The following PACRG variants were observed in gnomAD, a reference collection of about 807,000 sequenced individuals.
PACRG encodes the protein parkin coregulated.
In PACRG, 29 loss-of-function variants were observed where a neutral mutation model predicts 29.7. The observed-to-expected ratio is 0.98, with a 90% CI of 0.73 to 1.33. The LOEUF is 1.33. Ranked by LOEUF, PACRG falls within the 40% of genes most tolerant of loss-of-function variation. PACRG has a pLI of 0.00. For synonymous variants in PACRG, 116 were observed against 118.7 expected, an observed-to-expected ratio of 0.98 and a Z score of 0.15; for missense variants, 279 against 316.2, an observed-to-expected ratio of 0.88 and a Z score of 0.89.
intron 4 of PACRG, among the ~76,000 whole-genome samples, chr6:163,220,239 T>A (rs900075068): frequency 6.6e-6 from 1 of 151,890 alleles, no homozygotes; most frequent in Non-Finnish European, 1.5e-5. Flanking sequence ...AAGGAAAGGG[T>A]GTGCTCCATC....
intron 2 of PACRG, among the ~76,000 whole-genome samples, chr6:162,987,338 G>A (rs778824911): frequency 5.3e-5 from 8 of 152,120 alleles, no homozygotes; most frequent in Non-Finnish European, 8.8e-5. Context: ...CTGGTGCTGG[G>A]AAATGTCTGC....
intron 1 of PACRG, among the ~76,000 whole-genome samples, chr6:162,771,860 G>A (rs896607398): frequency 6.6e-6 from 1 of 151,884 alleles, no homozygotes; most frequent in Non-Finnish European, 1.5e-5. Flanking sequence ...ACATTCTCTC[G>A]GATGGAGGTA....
chr6:163,285,344 C>T (rs560336148), intron 4 of PACRG, among the ~76,000 whole-genome samples: 1 of 152,116 alleles, frequency 6.6e-6, no homozygotes, highest in African/African-American at 2.4e-5. Context: ...GACACATCCC[C>T]ACTCGGGCAG....
At chr6:163,264,493 T>C (rs1783452719) in intron 4 of PACRG, among the ~76,000 whole-genome samples, 1 of 152,130 alleles carries the variant, frequency 6.6e-6, no homozygotes, top group Non-Finnish European at 1.5e-5. Flanking sequence ...ACTCAGCCCA[T>C]GCAAACAGTA....
intron 1 of PACRG, among the ~76,000 whole-genome samples, chr6:162,807,342 G>C (rs761948863): frequency 3.3e-5 from 5 of 152,166 alleles, no homozygotes; most frequent in Non-Finnish European, 7.3e-5. Context: ...TGGTACAAGA[G>C]GTCTTCCAGC....
intron 2 of PACRG, among the ~76,000 whole-genome samples, chr6:162,888,765 C>T (rs1434441479): frequency 1.3e-5 from 2 of 152,138 alleles, no homozygotes; most frequent in Admixed American, 6.5e-5. Context: ...ATTAGGCAAC[C>T]TTCCTCTTTG....
At chr6:163,276,108 C>T (rs1440446803) in intron 4 of PACRG, among the ~76,000 whole-genome samples, 1 of 151,800 alleles carries the variant, frequency 6.6e-6, no homozygotes, top group Non-Finnish European at 1.5e-5. Context: ...CTCACTGCAG[C>T]CTTGACCTTC....
intron 1 of PACRG, among the ~76,000 whole-genome samples, chr6:162,770,355 T>C (rs1164317966): frequency 6.6e-6 from 1 of 152,188 alleles, no homozygotes; most frequent in Non-Finnish European, 1.5e-5. Flanking sequence ...GACTGAACCT[T>C]GAACCTATGG....
chr6:162,923,141 A>T (rs538612829), intron 2 of PACRG, among the ~76,000 whole-genome samples: 1 of 152,114 alleles, frequency 6.6e-6, no homozygotes, highest in East Asian at 1.9e-4. Flanking sequence ...CTGAGCATTT[A>T]AAAAATATAC....
chr6:163,110,725 C>G (rs16894500), intron 4 of PACRG, among the ~76,000 whole-genome samples: 1 of 152,236 alleles, frequency 6.6e-6, no homozygotes, highest in Non-Finnish European at 1.5e-5. Context: ...CGTGGCAGCA[C>G]TTTGATGCTC....
At chr6:163,199,800 T>G (rs768046364) in intron 4 of PACRG, among the ~76,000 whole-genome samples, 1 of 152,206 alleles carries the variant, frequency 6.6e-6, no homozygotes, top group Admixed American at 6.5e-5. Flanking sequence ...GTGGTTCTTT[T>G]GTTTGTTGTG....
At chr6:163,236,898 A>G (rs138937903) in intron 4 of PACRG, among the ~76,000 whole-genome samples, 65 of 152,300 alleles carry the variant, frequency 4.3e-4, no homozygotes, top group Non-Finnish European at 7.8e-4. Context: ...CTCATCTTAC[A>G]TGGCTTGAGC....
chr6:163,223,146 T>A (rs538156822), intron 4 of PACRG, among the ~76,000 whole-genome samples: 1 of 152,146 alleles, frequency 6.6e-6, no homozygotes, highest in Non-Finnish European at 1.5e-5. Context: ...GTAATACCAG[T>A]ACTTTGGGGG....
chr6:162,758,039 T>G (rs1473741575), intron 1 of PACRG, among the ~76,000 whole-genome samples: 1 of 152,176 alleles, frequency 6.6e-6, no homozygotes, highest in Non-Finnish European at 1.5e-5. Flanking sequence ...TCAGGCACTC[T>G]CATACATTTC....
chr6:163,179,539 AT>A (rs1779550196), intron 4 of PACRG: 1 of 224,104 alleles, frequency 4.5e-6, no homozygotes, highest in African/African-American at 2.3e-5. Context: ...CCCTGTCTCT[AT>A]AAAAGAAATT....
chr6:163,135,009 C>T (rs1007365193), intron 4 of PACRG, among the ~76,000 whole-genome samples: 3 of 152,144 alleles, frequency 2.0e-5, no homozygotes, highest in East Asian at 3.8e-4. Context: ...ATCATTCACA[C>T]GCATACTTTT....
intron 4 of PACRG, among the ~76,000 whole-genome samples, chr6:163,108,272 C>T (rs1358059554): frequency 2.6e-5 from 4 of 152,038 alleles, no homozygotes; most frequent in Non-Finnish European, 5.9e-5. Context: ...CTGCTCCAAC[C>T]GTGTAGAAAG....
intron 4 of PACRG, among the ~76,000 whole-genome samples, chr6:163,180,957 T>C (rs1779626233): frequency 6.6e-6 from 1 of 152,202 alleles, no homozygotes. Context: ...AGTTATGACA[T>C]TGACCCAGAG....
chr6:163,127,554 C>T (rs757842992), intron 4 of PACRG, among the ~76,000 whole-genome samples: 4 of 152,100 alleles, frequency 2.6e-5, no homozygotes, highest in Admixed American at 6.6e-5. Context: ...ATCTTCAGGT[C>T]GCCTTATAAC....
Sources: gnomAD v4.1 joint callset for allele counts (sites outside exome capture counted in the v4.1 genomes callset) on GRCh38, gnomAD v4.1.1 for gene constraint, MANE v1.5 for transcripts, NCBI Gene and HGNC (gene_info 2026-07-23, HGNC 2026-07-21) for gene names.